The following LARGE1 variants were observed in gnomAD, a reference collection of about 807,000 sequenced individuals.
The protein encoded by LARGE1 is xylosyl- and glucuronyltransferase LARGE1.
Under a neutral mutation model 87.6 loss-of-function variants are expected in LARGE1, and 43 were observed. The ratio of observed to expected loss-of-function variants is 0.49; its 90% CI spans 0.38 to 0.63. The LOEUF (loss-of-function observed/expected upper bound fraction) is 0.63, where lower values mean the gene tolerates loss of function less well. Ranked by LOEUF, LARGE1 falls within the 30% of genes least tolerant of loss-of-function variation. LARGE1 has a pLI of 0.00. For synonymous variants in LARGE1, 434 were observed against 394.6 expected (o/e 1.10, Z -1.18); for missense variants, 802 against 1,000.2 (o/e 0.80, Z 2.67).
intron 9 of LARGE1, among the ~76,000 whole-genome samples, chr22:33,380,584 T>C (rs2065125031): frequency 6.6e-6 from 1 of 152,188 alleles, no homozygotes; most frequent in Non-Finnish European, 1.5e-5. Flanking sequence ...ATTAACACCA[T>C]GTGGCTCACC....
intron 11 of LARGE1, among the ~76,000 whole-genome samples, chr22:33,208,365 C>A (rs1016931782): frequency 1.2e-4 from 18 of 152,172 alleles, no homozygotes; most frequent in Non-Finnish European, 1.3e-4. Flanking sequence ...TTCAAGCAAT[C>A]CAAGTCGTCT....
chr22:33,134,838 C>T, the LARGE1 span, among the ~76,000 whole-genome samples: 2 of 152,068 alleles, frequency 1.3e-5, no homozygotes, highest in Non-Finnish European at 2.9e-5. Context: ...AATCATAGAT[C>T]CAGTGGAAAA....
chr22:33,644,678 A>C (rs2080551478), intron 3 of LARGE1, among the ~76,000 whole-genome samples: 2 of 152,226 alleles, frequency 1.3e-5, no homozygotes, highest in South Asian at 2.1e-4. Flanking sequence ...TTCTCAGCCC[A>C]AAACTCCTTA....
At chr22:33,078,349 C>G in the LARGE1 span, among the ~76,000 whole-genome samples, 4 of 152,158 alleles carry the variant, frequency 2.6e-5, no homozygotes, top group Admixed American at 2.6e-4. Flanking sequence ...AGAAATGTAC[C>G]AGGAAGCTCA....
At chr22:33,472,501 T>G (rs746112741) in intron 6 of LARGE1, among the ~76,000 whole-genome samples, 6 of 152,126 alleles carry the variant, frequency 3.9e-5, no homozygotes, top group Non-Finnish European at 8.8e-5. Context: ...GCAGGTGTTT[T>G]TTGTTGTTGC....
intron 7 of LARGE1, among the ~76,000 whole-genome samples, chr22:33,418,156 C>A (rs1272911525): frequency 6.6e-6 from 1 of 152,104 alleles, no homozygotes; most frequent in Non-Finnish European, 1.5e-5. Flanking sequence ...ACCGTGTTAG[C>A]CAGGATGGTC....
chr22:33,669,379 TC>T (rs1326653449), intron 2 of LARGE1, among the ~76,000 whole-genome samples: 1 of 152,226 alleles, frequency 6.6e-6, no homozygotes, highest in Non-Finnish European at 1.5e-5. Context: ...TGCACCATGC[TC>T]TTCAATTTAG....
At chr22:33,654,202 G>A (rs765614568) in intron 2 of LARGE1, among the ~76,000 whole-genome samples, 1 of 152,162 alleles carries the variant, frequency 6.6e-6, no homozygotes, top group Non-Finnish European at 1.5e-5. Flanking sequence ...AGGTCTCAGA[G>A]GAATCAATGT....
At chr22:33,253,908 GT>G (rs536060752) in intron 11 of LARGE1, among the ~76,000 whole-genome samples, 34 of 143,188 alleles carry the variant, frequency 2.4e-4, no homozygotes, top group Admixed American at 3.5e-4. Context: ...TTCCTTCTTG[GT>G]TTTTTTTTTT....
At chr22:33,823,745 G>A (rs2062703865) in intron 1 of LARGE1, among the ~76,000 whole-genome samples, 1 of 152,112 alleles carries the variant, frequency 6.6e-6, no homozygotes, top group Non-Finnish European at 1.5e-5. Context: ...TTTCCAGCTA[G>A]GCCCATTTAT....
At chr22:33,258,849 T>C (rs1026754743) in intron 11 of LARGE1, among the ~76,000 whole-genome samples, 1 of 151,494 alleles carries the variant, frequency 6.6e-6, no homozygotes, top group African/African-American at 2.4e-5. Context: ...CAGCACCATG[T>C]AGGCCTTGAT....
intron 11 of LARGE1, among the ~76,000 whole-genome samples, chr22:33,212,967 G>C (rs1478048853): frequency 1.3e-5 from 2 of 151,288 alleles, no homozygotes; most frequent in Non-Finnish European, 2.9e-5. Flanking sequence ...GCAGTGAGCC[G>C]AGATCGTGCC....
chr22:33,234,452 G>T (rs898663528), intron 11 of LARGE1, among the ~76,000 whole-genome samples: 5 of 152,184 alleles, frequency 3.3e-5, no homozygotes, highest in African/African-American at 9.6e-5. Context: ...CAAGAAAAAA[G>T]AACCTGAGAA....
At chr22:33,268,590 G>A (rs543848592), downstream of LARGE1, among the ~76,000 whole-genome samples, 4 of 151,926 alleles carry the variant, frequency 2.6e-5, no homozygotes, top group South Asian at 8.3e-4. Context: ...ACCACGCCCG[G>A]CTAATTTTTT....
intron 9 of LARGE1, 85 bp from the exon 10 acceptor site, chr22:33,337,886 T>C (rs1375567009): frequency 7.1e-7 from 1 of 1,402,604 alleles, no homozygotes; most frequent in African/African-American, 1.4e-5. Context: ...GGCTCAGCAC[T>C]GGGCTAAGCA....
the LARGE1 span, among the ~76,000 whole-genome samples, chr22:33,094,481 C>A: frequency 2.6e-5 from 4 of 152,192 alleles, no homozygotes; most frequent in Non-Finnish European, 5.9e-5. Context: ...TTAGCTACAG[C>A]CTTTCAAAAT....
intron 1 of LARGE1, among the ~76,000 whole-genome samples, chr22:33,863,186 T>G (rs1367479361): frequency 6.6e-6 from 1 of 152,134 alleles, no homozygotes; most frequent in Non-Finnish European, 1.5e-5. Context: ...CTCCTTTATC[T>G]CGGGCGTGCC....
At chr22:33,558,363 C>T (rs2077756355) in intron 6 of LARGE1, among the ~76,000 whole-genome samples, 1 of 151,908 alleles carries the variant, frequency 6.6e-6, no homozygotes, top group African/African-American at 2.4e-5. Context: ...TAAAAAGGGG[C>T]CAATGGGACA....
intron 6 of LARGE1, among the ~76,000 whole-genome samples, chr22:33,509,863 A>G (rs532370409): frequency 2.0e-5 from 3 of 152,226 alleles, no homozygotes; most frequent in Non-Finnish European, 4.4e-5. Context: ...AATCGCAGAG[A>G]GTGAAGGAAA....
Sources: allele counts gnomAD v4.1 joint callset (sites outside exome capture counted in the v4.1 genomes callset), GRCh38; gene constraint gnomAD v4.1.1; transcripts MANE v1.5; gene names NCBI Gene and HGNC (gene_info 2026-07-23, HGNC 2026-07-21).